Variants in SUMF2 observed in about 807,000 individuals in gnomAD.
The protein encoded by SUMF2 is inactive C-alpha-formylglycine-generating enzyme 2.
Under a neutral mutation model 44.8 loss-of-function variants are expected in SUMF2, and 45 were observed. The observed-to-expected ratio is 1.00, with a 90% confidence interval of 0.79 to 1.29. SUMF2 has a LOEUF of 1.29. Among genes scored for constraint, SUMF2 ranks in the 50% most tolerant of loss-of-function variants. The pLI is 0.00. For missense variants in SUMF2, 418 were observed against 389.9 expected (o/e 1.07, Z -0.61); for synonymous variants, 148 against 150.4 (o/e 0.98, Z 0.12).
chr7:56,083,683 G>A, downstream of SUMF2: 1 of 1,585,878 alleles, frequency 6.3e-7, no homozygotes. Context: ...GACCTTCTCA[G>A]TGAGGTAGTC....
In SUMF2 at chr7:56,078,115, AG is replaced by A; in HGVS notation, c.608del (p.Gly203GlufsTer14). 1 of 1,612,012 alleles carries A rather than the reference AG, an allele frequency of 6.2e-7. No homozygotes were observed. Among genetic ancestry groups the A allele is most frequent in the South Asian group, 1.1e-5 (1 of 91,008 alleles). On this transcript the variant is annotated frameshift_variant, in exon 7 of 9. Transcript: ENST00000434526. LOFTEE classifies it high-confidence loss of function. ...RTNLWQGKFP[K>X]GDKAEDGFHG... ...TTCTCCCATCAGGGAAAGTTCCCCA[AG>A]GGAGACAAAGCTGAGGATGGCTTCC...
At chr7:56,064,575 T>G (rs1794620863) in intron 1 of SUMF2, among the ~76,000 whole-genome samples, 197 bp downstream of exon 1, 1 of 151,314 alleles carries the variant, frequency 6.6e-6, no homozygotes. Context: ...CTTTCAAACC[T>G]AAAAAAGGGA....
chr7:56,079,742 T>A lies in SUMF2; in HGVS notation c.*130T>A, dbSNP rs1467924465. On this transcript the variant is annotated 3_prime_UTR_variant, in exon 9 of 9. Coordinates refer to ENST00000434526, the MANE Select transcript of SUMF2 (RefSeq NM_015411.4). ...AGAACTTCCCCTTCCCTGTCTCCCA[T>A]CCCTCTGTGGCAGGCGCCTCTCACC... 4 of 1,579,414 alleles carry A rather than the reference T, an allele frequency of 2.5e-6. No homozygotes were observed. In the Admixed American group the frequency reaches 7.5e-5, roughly 30 times the overall value.
chr7:56,071,171 A>AT (rs1366491366), intron 2 of SUMF2, among the ~76,000 whole-genome samples: 2 of 152,106 alleles, frequency 1.3e-5, no homozygotes, highest in Non-Finnish European at 2.9e-5. Flanking sequence ...TTTTTAGACC[A>AT]GCCTGGGCAA....
chr7:56,066,177 A>C, intron 1 of SUMF2, among the ~76,000 whole-genome samples: 1 of 152,126 alleles, frequency 6.6e-6, no homozygotes, highest in East Asian at 1.9e-4. Flanking sequence ...TGTCAGAATA[A>C]GAGATCCAAA....
intron 1 of SUMF2, among the ~76,000 whole-genome samples, chr7:56,066,896 A>T (rs1018931400): frequency 6.6e-6 from 1 of 152,218 alleles, no homozygotes; most frequent in African/African-American, 2.4e-5. Context: ...CTGGGATTCC[A>T]GGTGTGAGCC....
chr7:56,081,055 C>T, downstream of SUMF2: 1 of 1,612,088 alleles, frequency 6.2e-7, no homozygotes, highest in Non-Finnish European at 8.5e-7. This position sits in a 1 kb window ranked among gnomAD's most constrained non-coding sequence, Gnocchi z 4.6. Context: ...GCCAGCCCCT[C>T]AGTAGTCCTC....
chr7:56,080,007 T>A lies in SUMF2; in HGVS notation c.*395T>A. On this transcript the variant is annotated 3_prime_UTR_variant, in exon 9 of 9. Coordinates refer to ENST00000434526, the MANE Select transcript of SUMF2 (RefSeq NM_015411.4). Reference sequence around the variant, plus strand: ...TGACATTGTTTCCTCAAGGCAGAATTTTCCTGGTTCTGTTTTCTCAGCCAG... The same window carrying A: ...TGACATTGTTTCCTCAAGGCAGAATATTCCTGGTTCTGTTTTCTCAGCCAG... 1 of 874,544 alleles carries A rather than the reference T, an allele frequency of 1.1e-6. No homozygotes were observed. Among genetic ancestry groups the A allele is most frequent in the South Asian group, 1.9e-5 (1 of 53,418 alleles). The allele number at this position is 874,544 out of a possible 1,614,324, so 54.2% of individuals were successfully genotyped here. A position where few individuals can be genotyped will look rare whatever the true frequency, so the allele number is the denominator to read the frequency against.
chr7:56,087,805 GGGGGCCCCTCACCCCAT>G, the SUMF2 span: 4 of 1,590,708 alleles, frequency 2.5e-6, no homozygotes, highest in Non-Finnish European at 3.4e-6. Flanking sequence ...GATGGCCTCG[GGGGGCCCCTCACCCCAT>G]GGGGGGTCCC....
chr7:56,081,143 C>T (rs750931824), downstream of SUMF2: 4 of 1,613,896 alleles, frequency 2.5e-6, no homozygotes, highest in Non-Finnish European at 3.4e-6. The surrounding 1 kb of genome is among the most constrained non-coding windows in gnomAD (Gnocchi z 4.6). Flanking sequence ...CCCTTCTTCA[C>T]CCAGTGGCCA....
At chr7:56,076,196 T>G (rs978186048) in intron 5 of SUMF2, among the ~76,000 whole-genome samples, 6 of 152,130 alleles carry the variant, frequency 3.9e-5, no homozygotes, top group African/African-American at 7.2e-5. Context: ...CCGGCTAATT[T>G]TTTGTATTTT....
chr7:56,076,640 A>G (rs765478650), intron 5 of SUMF2, 194 bp from the exon 6 acceptor site: 2 of 489,502 alleles, frequency 4.1e-6, no homozygotes, highest in Non-Finnish European at 7.3e-6. Flanking sequence ...CCTGGAGCAC[A>G]TGAGGAGGCC....
chr7:56,065,151 C>T (rs1003029369), intron 1 of SUMF2, among the ~76,000 whole-genome samples: 1 of 147,576 alleles, frequency 6.8e-6, no homozygotes, highest in Non-Finnish European at 1.5e-5. Flanking sequence ...GGAGATAGCG[C>T]CACTGCACTC....
Position 56,079,600 on chromosome 7 carries a change from A to G in SUMF2, c.894A>G (p.Pro298=). The G allele has an allele frequency of 5.0e-6, 8 of 1,614,190 alleles. No individual in the cohort carries two copies. The highest frequency in any genetic ancestry group is 5.9e-6 in the Non-Finnish European group (7 of 1,180,026). Residue 298 remains proline (P), a synonymous_variant, in exon 9 of 9, where the codon CCA becomes CCG. Coordinates refer to ENST00000434526, the MANE Select transcript of SUMF2 (RefSeq NM_015411.4). ...GTGCTGCAGACGCAGGCCGGCCGCC[A>G]GGGGAGCTGTAAGCAGCCGGGTGGT... ...FRCAADAGRP[P]GEL is the part of the protein sequence containing the mutation.
intron 8 of SUMF2, chr7:56,079,311 CTCCTTTTG>C (rs1449748135): frequency 6.9e-6 from 4 of 578,202 alleles, no homozygotes; most frequent in Non-Finnish European, 1.2e-5. Flanking sequence ...TCTTGCAAGA[CTCCTTTTG>C]TCCCAAAGCC....
Position 56,073,013 on chromosome 7 carries a change from A to G in SUMF2, c.241A>G (p.Lys81Glu), listed in dbSNP as rs1795280985. 1.9e-6 allele frequency: 3 copies of G among 1,613,770 alleles called. No homozygotes were observed. The highest frequency in any genetic ancestry group is 4.5e-5 in the East Asian group (2 of 44,866). The change falls in exon 3 of 9, where the codon AAA (lysine) becomes GAA (glutamate). Residue 81 changes from lysine to glutamate, a missense_variant. Physicochemically the swap from Lys to Glu is moderately conservative, Grantham distance 56 (BLOSUM62 1). Transcript: ENST00000434526. ...NKDFRDFVRE[K>E]KYRTEAEMFG... ...TCTTTATAGGGATTTTGTCAGGGAG[A>G]AAAAGTATCGGACAGAAGCTGAGAT...
chr7:56,066,082 CAAAAAA>C (rs71015176), intron 1 of SUMF2, among the ~76,000 whole-genome samples: 1 of 69,686 alleles, frequency 1.4e-5, no homozygotes, highest in Admixed American at 1.9e-4. Context: ...CTCCGCCTCA[CAAAAAA>C]AAAAAAAAAA....
At chr7:56,078,673 A>G (rs1179241141) in intron 8 of SUMF2, among the ~76,000 whole-genome samples, 165 bp downstream of exon 8, 2 of 152,154 alleles carry the variant, frequency 1.3e-5, no homozygotes, top group African/African-American at 4.8e-5. Flanking sequence ...CAAAAAAGAA[A>G]GCCAGCAGCA....
downstream of SUMF2, chr7:56,083,430 C>T (rs746327103): frequency 1.4e-5 from 22 of 1,614,152 alleles, no homozygotes; most frequent in African/African-American, 9.3e-5. Flanking sequence ...CAGCAGAGCT[C>T]GCATGATCTT....
Sources: allele counts gnomAD v4.1 joint callset (sites outside exome capture counted in the v4.1 genomes callset), GRCh38; gene constraint gnomAD v4.1.1; non-coding constraint Gnocchi (gnomAD v3.1); transcripts MANE v1.5; gene names NCBI Gene and HGNC (gene_info 2026-07-23, HGNC 2026-07-21).